Variants in LTBP1 observed in about 807,000 individuals in gnomAD.
LTBP1 encodes latent transforming growth factor beta binding protein 1, also known as latent-transforming growth factor beta-binding protein 1.
Under a neutral mutation model 207.6 loss-of-function variants are expected in LTBP1, and 129 were observed. That is an observed-to-expected ratio of 0.62 (90% confidence interval 0.54 to 0.72). LTBP1 has a LOEUF of 0.72. Ranked by LOEUF, LTBP1 falls within the 30% of genes least tolerant of loss-of-function variation. The pLI is 0.00. For synonymous variants in LTBP1, 963 were observed against 833.7 expected (o/e 1.16, Z -2.67); for missense variants, 2,281 against 2,217.2 (o/e 1.03, Z -0.58).
At chr2:33,007,672 A>G (rs934819738) in intron 2 of LTBP1, among the ~76,000 whole-genome samples, 2 of 152,214 alleles carry the variant, frequency 1.3e-5, no homozygotes, top group Non-Finnish European at 2.9e-5. Context: ...GTAGAAAGAA[A>G]ATTCTATCCC....
chr2:33,057,483 T>G (rs113624557), intron 3 of LTBP1, among the ~76,000 whole-genome samples: 18,337 of 152,206 alleles, frequency 0.12, 1,201 homozygotes, highest in Non-Finnish European at 0.14. Context: ...AGGGGGCAGC[T>G]CTCATCGGGG....
intron 3 of LTBP1, among the ~76,000 whole-genome samples, chr2:33,073,590 C>T (rs1161839006): frequency 6.6e-6 from 1 of 151,984 alleles, no homozygotes; most frequent in Non-Finnish European, 1.5e-5. Context: ...AAATTTTATT[C>T]AGTCTCCAAA....
intron 2 of LTBP1, among the ~76,000 whole-genome samples, chr2:32,996,157 C>CT (rs1685235457): frequency 2.0e-5 from 3 of 152,150 alleles, no homozygotes; most frequent in African/African-American, 7.2e-5. Context: ...ATACCGTAAA[C>CT]TGGGTGGCTT....
intron 3 of LTBP1, among the ~76,000 whole-genome samples, chr2:33,026,279 C>T (rs989670164): frequency 6.6e-6 from 1 of 152,156 alleles, no homozygotes; most frequent in African/African-American, 2.4e-5. Flanking sequence ...CACCAACTCT[C>T]TCCCAGGTTT....
intron 3 of LTBP1, among the ~76,000 whole-genome samples, chr2:33,039,070 G>T (rs530400834): frequency 1.3e-5 from 2 of 152,260 alleles, no homozygotes; most frequent in East Asian, 3.9e-4. Context: ...TTTCATTTGG[G>T]CAGTCTCTAG....
chr2:33,085,004 T>C (rs2078667942), intron 3 of LTBP1, among the ~76,000 whole-genome samples: 1 of 152,194 alleles, frequency 6.6e-6, no homozygotes, highest in Non-Finnish European at 1.5e-5. Flanking sequence ...GATGAGATCA[T>C]CCTGATGTAA....
At chr2:33,145,575 G>A (rs2150871182) in intron 5 of LTBP1, among the ~76,000 whole-genome samples, 1 of 152,302 alleles carries the variant, frequency 6.6e-6, no homozygotes, top group South Asian at 2.1e-4. Context: ...TTTCGCCACT[G>A]CATTGTCCTT....
chr2:33,154,785 G>T (rs1367389104), intron 5 of LTBP1, among the ~76,000 whole-genome samples: 1 of 152,166 alleles, frequency 6.6e-6, no homozygotes, highest in African/African-American at 2.4e-5. Flanking sequence ...GAACTAGGCC[G>T]GGCGCGGTGG....
chr2:33,379,196 CTTTTTTTTTT>C (rs550839552), intron 31 of LTBP1, among the ~76,000 whole-genome samples: 20 of 108,528 alleles, frequency 1.8e-4, no homozygotes, highest in African/African-American at 5.9e-4. Flanking sequence ...TTTGCCATTG[CTTTTTTTTTT>C]TTTTTTTTTT....
At chr2:33,027,563 G>A (rs751484772) in intron 3 of LTBP1, among the ~76,000 whole-genome samples, 2 of 152,150 alleles carry the variant, frequency 1.3e-5, no homozygotes, top group South Asian at 2.1e-4. Context: ...AAGGCCGGGC[G>A]CAGTAGCTCA....
intron 15 of LTBP1, among the ~76,000 whole-genome samples, chr2:33,263,885 G>A (rs575126005): frequency 1.4e-3 from 207 of 150,588 alleles, no homozygotes; most frequent in African/African-American, 4.8e-3. Context: ...CCCAGGAGGC[G>A]GAGATCGCAG....
chr2:33,030,526 C>T (rs944740693), intron 3 of LTBP1, among the ~76,000 whole-genome samples: 2 of 152,176 alleles, frequency 1.3e-5, no homozygotes, highest in African/African-American at 2.4e-5. Context: ...ATTGCTTTAA[C>T]GTCTTGAAAG....
chr2:33,204,694 C>G (rs992442230), intron 7 of LTBP1, among the ~76,000 whole-genome samples: 3 of 152,150 alleles, frequency 2.0e-5, no homozygotes, highest in African/African-American at 7.2e-5. Context: ...ATCCTCCTGC[C>G]TCAGCCTCCC....
At chr2:33,351,105 C>T (rs1459475490) in intron 26 of LTBP1, among the ~76,000 whole-genome samples, 1 of 152,154 alleles carries the variant, frequency 6.6e-6, no homozygotes, top group Non-Finnish European at 1.5e-5. Flanking sequence ...CTTCACTTTA[C>T]TCAATAATTT....
chr2:33,030,339 G>T (rs1165569201), intron 3 of LTBP1, among the ~76,000 whole-genome samples: 1 of 152,064 alleles, frequency 6.6e-6, no homozygotes, highest in African/African-American at 2.4e-5. Context: ...TACCCCCTGG[G>T]CACAAGCAAC....
At chr2:33,078,508 G>A (rs1168140847) in intron 3 of LTBP1, among the ~76,000 whole-genome samples, 1 of 152,206 alleles carries the variant, frequency 6.6e-6, no homozygotes, top group African/African-American at 2.4e-5. Context: ...TTTTTACTGT[G>A]TGAGAGGAAT....
At chr2:33,031,092 T>C (rs2075670310) in intron 3 of LTBP1, among the ~76,000 whole-genome samples, 1 of 152,234 alleles carries the variant, frequency 6.6e-6, no homozygotes, top group South Asian at 2.1e-4. Flanking sequence ...TTATTAGTAC[T>C]CTGGTTTTTT....
At chr2:32,980,361 CTG>C (rs1682579587) in intron 2 of LTBP1, among the ~76,000 whole-genome samples, 2 of 152,074 alleles carry the variant, frequency 1.3e-5, no homozygotes, top group African/African-American at 4.8e-5. Context: ...CTTGCAGATA[CTG>C]TCTTATAAAC....
At chr2:33,019,986 T>C (rs1253276443) in intron 2 of LTBP1, among the ~76,000 whole-genome samples, 1 of 151,998 alleles carries the variant, frequency 6.6e-6, no homozygotes, top group Non-Finnish European at 1.5e-5. Flanking sequence ...AGTGATGGGC[T>C]TACAGGCGTG....
Sources: allele counts gnomAD v4.1 joint callset (sites outside exome capture counted in the v4.1 genomes callset), GRCh38; gene constraint gnomAD v4.1.1; transcripts MANE v1.5; gene names NCBI Gene and HGNC (gene_info 2026-07-23, HGNC 2026-07-21).